Variants in CUX1 observed in about 807,000 individuals in gnomAD.
CUX1 encodes protein CASP.
In CUX1, 31 loss-of-function variants were observed where a neutral mutation model predicts 158.8. The observed-to-expected ratio is 0.20, with a 90% confidence interval of 0.15 to 0.26. The LOEUF is 0.26. Ranked by LOEUF, CUX1 falls within the 10% of genes least tolerant of loss-of-function variation. The pLI is 1.00. For missense variants in CUX1, 1,589 were observed against 2,014.6 expected, an observed-to-expected ratio of 0.79 and a Z score of 4.04; for synonymous variants, 879 against 862.1, an observed-to-expected ratio of 1.02 and a Z score of -0.34.
At chr7:102,182,020 GCTTT>G (rs773627372) in intron 11 of CUX1, among the ~76,000 whole-genome samples, 1 of 152,236 alleles carries the variant, frequency 6.6e-6, no homozygotes, top group Non-Finnish European at 1.5e-5. Flanking sequence ...CCACGGAGCT[GCTTT>G]CTTTCTTTCT....
intron 21 of CUX1, among the ~76,000 whole-genome samples, chr7:102,232,590 C>T (rs1799120761): frequency 6.6e-6 from 1 of 152,214 alleles, no homozygotes. Context: ...AAGTCCTGTT[C>T]ATTCAAGTAC....
chr7:102,272,813 T>G (rs1042732037), intron 14 of CUX1, among the ~76,000 whole-genome samples: 8 of 152,178 alleles, frequency 5.3e-5, no homozygotes, highest in Non-Finnish European at 7.4e-5. Context: ...CCCCAACCAC[T>G]GCAGCTGGAG....
Position 102,250,698 on chromosome 7 carries a change from A to G in CUX1, c.*1656A>G, listed in dbSNP as rs1801418944. 3.0e-6 allele frequency: 3 copies of G among 985,266 alleles called. No individual in the cohort carries two copies. Among genetic ancestry groups the G allele is most frequent in the African/African-American group, 1.7e-5 (1 of 57,196 alleles). The allele number at this position is 985,266 out of a possible 1,614,324, so 61.0% of individuals were successfully genotyped here. A position where few individuals can be genotyped will look rare whatever the true frequency, so the allele number is the denominator to read the frequency against. On this transcript the variant is annotated 3_prime_UTR_variant, in exon 24 of 24. Transcript: ENST00000292535. Reference sequence around the variant, plus strand: ...TTTATGCACAGTTTTAGGGCAGTCTAAGTACAAACTGAAAGTCTAACTTGT... The same window carrying G: ...TTTATGCACAGTTTTAGGGCAGTCTGAGTACAAACTGAAAGTCTAACTTGT...
intron 11 of CUX1, among the ~76,000 whole-genome samples, chr7:102,183,324 AT>A (rs570303462): frequency 1.3e-3 from 185 of 144,682 alleles, no homozygotes; most frequent in African/African-American, 9.3e-4. Flanking sequence ...CCATCTCTTA[AT>A]TTTTTTTTTT....
rs573353362 is a variant in CUX1, at chr7:102,032,043, A to T, written c.189+3898A>T. On this transcript the variant is annotated intron_variant, in intron 3 of 23. Transcript: ENST00000292535. ...CTGGCTCAAGCGATTTGCCCACCTC[A>T]GCCTCCCAAGTAGCTAGGACCACAG... Among the ~76,000 whole-genome samples the T allele has an allele frequency of 2.6e-5, 4 of 151,460 alleles. No individual in the cohort carries two copies. In the South Asian group the frequency reaches 8.4e-4, roughly 32 times the overall value.
intron 2 of CUX1, among the ~76,000 whole-genome samples, chr7:101,923,400 C>T (rs1805200159): frequency 6.6e-6 from 1 of 152,204 alleles, no homozygotes; most frequent in Non-Finnish European, 1.5e-5. Context: ...AGGAGAACCA[C>T]ATTCCTGAGA....
chr7:101,903,466 T>C (rs1802383670), intron 1 of CUX1, among the ~76,000 whole-genome samples: 1 of 152,194 alleles, frequency 6.6e-6, no homozygotes, highest in Admixed American at 6.5e-5. Context: ...GCAGGCAGAA[T>C]TATGTGTTGT....
intron 9 of CUX1, among the ~76,000 whole-genome samples, chr7:102,166,979 G>A (rs914967256): frequency 6.6e-6 from 1 of 152,108 alleles, no homozygotes; most frequent in Admixed American, 6.6e-5. Context: ...CAGAAATTAT[G>A]CAATCAGGCC....
chr7:102,059,738 T>C (rs1824575814), intron 3 of CUX1, among the ~76,000 whole-genome samples: 1 of 152,242 alleles, frequency 6.6e-6, no homozygotes, highest in South Asian at 2.1e-4. Context: ...GTGTTTAATG[T>C]GGCCCTTCAA....
At chr7:102,192,513 G>C (rs531776539) in intron 12 of CUX1, among the ~76,000 whole-genome samples, 1 of 152,286 alleles carries the variant, frequency 6.6e-6, no homozygotes, top group African/African-American at 2.4e-5. Flanking sequence ...AGGAAACGAA[G>C]GACAGGATTC....
In CUX1 at chr7:102,283,037, C is replaced by T. The variant is rs782497676; in HGVS notation, c.1984C>T (p.His662Tyr). 5 of 1,613,486 alleles carry T rather than the reference C, an allele frequency of 3.1e-6. No individual in the cohort carries two copies. In the South Asian group the frequency reaches 5.5e-5, roughly 18 times the overall value. ...GTCCCCCAGGTTCGCTGACCACCTG[C>T]ACAAGTTCCACGAGAATGACAACGG... The change falls in exon 23 of 23, where the codon CAC becomes TAC. Residue 662 changes from histidine (H) to tyrosine (Y), a missense_variant. Transcript: ENST00000292538.
rs138500387 is a variant in CUX1 at position 101,832,880 on chromosome 7, A to G, written c.30+15211A>G. ...CGGTGCCTCTGGTCCCCATCTTACC[A>G]GGAGCAGCGCCATGGCCATGCAGGG... On this transcript the variant is annotated intron_variant, in intron 1 of 23. Transcript: ENST00000292535. 2.4e-3 allele frequency among the ~76,000 whole-genome samples: 367 copies of G among 152,056 alleles called. 3 individuals carry two copies. The highest frequency in any genetic ancestry group is 8.5e-3 in the African/African-American group (352 of 41,482).
chr7:102,075,658 C>A (rs1369213203), intron 4 of CUX1, among the ~76,000 whole-genome samples: 1 of 152,130 alleles, frequency 6.6e-6, no homozygotes, highest in African/African-American at 2.4e-5. Flanking sequence ...ACTGAACCAC[C>A]CTCCCGAGGT....
chr7:101,903,064 T>C (rs1194115178), intron 1 of CUX1, among the ~76,000 whole-genome samples: 1 of 152,240 alleles, frequency 6.6e-6, no homozygotes, highest in Admixed American at 6.5e-5. Context: ...GTCACATTCA[T>C]GCGAAGCCTC....
intron 3 of CUX1, among the ~76,000 whole-genome samples, chr7:102,036,987 T>TA (rs1821509638): frequency 6.6e-6 from 1 of 152,194 alleles, no homozygotes; most frequent in Non-Finnish European, 1.5e-5. Flanking sequence ...GCCCTCGTGT[T>TA]AGAGACTAAC....
chr7:102,097,607 A>G (rs1264877013), intron 5 of CUX1, 106 bp downstream of exon 5: 6 of 1,171,400 alleles, frequency 5.1e-6, no homozygotes, highest in Non-Finnish European at 7.1e-6. Flanking sequence ...TCCTTGTAAT[A>G]TACACGTCAT....
chr7:102,127,348 A>T (rs1032813989), intron 8 of CUX1, among the ~76,000 whole-genome samples: 1 of 152,100 alleles, frequency 6.6e-6, no homozygotes, highest in South Asian at 2.1e-4. Context: ...CTAGGACTGC[A>T]GGTGTGCACC....
At chr7:101,817,547 C>G (rs1400633781), upstream of CUX1, 2 of 1,280,222 alleles carry the variant, frequency 1.6e-6, no homozygotes, top group Non-Finnish European at 2.0e-6. This position sits in a 1 kb window ranked among gnomAD's most constrained non-coding sequence, Gnocchi z 4.1. Flanking sequence ...TGCCACCCCC[C>G]GCCCGGAGGA....
chr7:101,857,093 C>A (rs1796931212), intron 1 of CUX1, among the ~76,000 whole-genome samples: 1 of 152,240 alleles, frequency 6.6e-6, no homozygotes, highest in Admixed American at 6.5e-5. Context: ...CTGCCCCGTA[C>A]CACCCGCCGC....
Sources: allele counts gnomAD v4.1 joint callset (sites outside exome capture counted in the v4.1 genomes callset), GRCh38; gene constraint gnomAD v4.1.1; non-coding constraint Gnocchi (gnomAD v3.1); transcripts MANE v1.5; gene names NCBI Gene and HGNC (gene_info 2026-07-23, HGNC 2026-07-21).